ADGRL2: variants seen among roughly 807,000 people sequenced by gnomAD.
The protein encoded by ADGRL2 is adhesion G protein-coupled receptor L2.
ADGRL2 carries 44 observed loss-of-function variants against 157.4 expected under a neutral mutation model. That is an observed-to-expected ratio of 0.28 (90% CI 0.22 to 0.36). The LOEUF (loss-of-function observed/expected upper bound fraction) is 0.36, where lower values mean the gene tolerates loss of function less well. Ranked by LOEUF, ADGRL2 falls within the 10% of genes least tolerant of loss-of-function variation. ADGRL2 has a pLI of 1.00. For missense variants in ADGRL2, 1,510 were observed against 1,768.9 expected (o/e 0.85, Z 2.63); for synonymous variants, 585 against 624.7 (o/e 0.94, Z 0.95).
chr1:81,415,585 C>T (rs1308171917), intron 1 of ADGRL2, among the ~76,000 whole-genome samples: 2 of 152,154 alleles, frequency 1.3e-5, no homozygotes, highest in Non-Finnish European at 2.9e-5. Flanking sequence ...TAAGTTTGGA[C>T]AGCTCGGTTC....
At chr1:81,988,111 G>A (rs1572539682) in intron 23 of ADGRL2, among the ~76,000 whole-genome samples, 3 of 152,028 alleles carry the variant, frequency 2.0e-5, no homozygotes, top group Middle Eastern at 3.2e-3. Flanking sequence ...TTAAGTATAC[G>A]CAATGCTGAA....
intron 2 of ADGRL2, among the ~76,000 whole-genome samples, chr1:81,841,764 T>G (rs1371203503): frequency 2.6e-5 from 4 of 152,194 alleles, no homozygotes; most frequent in Admixed American, 2.6e-4. Context: ...TGTCTTCAAG[T>G]GCCTGAACAA....
chr1:81,665,229 G>A (rs1182277551), intron 3 of ADGRL2, among the ~76,000 whole-genome samples: 1 of 152,112 alleles, frequency 6.6e-6, no homozygotes, highest in African/African-American at 2.4e-5. Flanking sequence ...AAGACCATTT[G>A]AGGTAGAGAA....
intron 2 of ADGRL2, among the ~76,000 whole-genome samples, 176 bp from the exon 3 acceptor site, chr1:81,906,841 A>C (rs2094593757): frequency 6.6e-6 from 1 of 152,210 alleles, no homozygotes; most frequent in Non-Finnish European, 1.5e-5. Context: ...AATAAAGATG[A>C]ATAAAAAATA....
intron 2 of ADGRL2, among the ~76,000 whole-genome samples, chr1:81,510,044 G>A (rs965388523): frequency 1.3e-5 from 2 of 152,100 alleles, no homozygotes; most frequent in Non-Finnish European, 2.9e-5. Context: ...AACAAATACC[G>A]CTGTTAGGAA....
At chr1:81,597,396 AATT>A (rs1366422652) in intron 3 of ADGRL2, among the ~76,000 whole-genome samples, 5 of 152,222 alleles carry the variant, frequency 3.3e-5, no homozygotes, top group Non-Finnish European at 7.3e-5. Context: ...TAAAGAAAAA[AATT>A]ATATTTGCTA....
intron 1 of ADGRL2, among the ~76,000 whole-genome samples, chr1:81,339,825 G>C (rs1661938922): frequency 6.6e-6 from 1 of 151,966 alleles, no homozygotes; most frequent in South Asian, 2.1e-4. Flanking sequence ...TCCTTTCTCT[G>C]ACCTAAAAAT....
chr1:81,581,884 A>G (rs1039239178), intron 3 of ADGRL2, among the ~76,000 whole-genome samples: 178 of 145,448 alleles, frequency 1.2e-3, no homozygotes, highest in African/African-American at 4.8e-3. Flanking sequence ...GCACACACAC[A>G]CACACACACA....
intron 2 of ADGRL2, among the ~76,000 whole-genome samples, chr1:81,489,199 T>C (rs2078576677): frequency 6.6e-6 from 1 of 151,528 alleles, no homozygotes; most frequent in Non-Finnish European, 1.5e-5. Context: ...ATTGCAACAC[T>C]GCACTCCAGC....
chr1:81,783,173 G>A (rs980137005), intron 2 of ADGRL2, among the ~76,000 whole-genome samples: 4 of 152,174 alleles, frequency 2.6e-5, no homozygotes, highest in Non-Finnish European at 5.9e-5. Flanking sequence ...GCCCAGGCTG[G>A]AGTGCAGTGG....
At chr1:81,324,710 G>C (rs995411778) in intron 1 of ADGRL2, among the ~76,000 whole-genome samples, 9 of 151,902 alleles carry the variant, frequency 5.9e-5, no homozygotes, top group African/African-American at 1.9e-4. Context: ...CTGAGCTAAG[G>C]GGGAGGTGAG....
At chr1:81,663,251 T>C (rs571244149) in intron 3 of ADGRL2, among the ~76,000 whole-genome samples, 8 of 152,052 alleles carry the variant, frequency 5.3e-5, no homozygotes, top group East Asian at 1.9e-4. Context: ...CGCACCCAAA[T>C]AGATTTTCCT....
chr1:81,757,715 T>C (rs532017083), intron 1 of ADGRL2, among the ~76,000 whole-genome samples: 2 of 152,344 alleles, frequency 1.3e-5, no homozygotes, highest in South Asian at 4.1e-4. Flanking sequence ...AAAGTTAATT[T>C]GGCTGAAGTT....
intron 1 of ADGRL2, among the ~76,000 whole-genome samples, chr1:81,358,195 C>T (rs1385911527): frequency 6.6e-6 from 1 of 152,136 alleles, no homozygotes; most frequent in Non-Finnish European, 1.5e-5. Context: ...AGATTTTAGA[C>T]TTTTTAAACT....
chr1:81,466,679 G>A (rs75543320), intron 2 of ADGRL2, among the ~76,000 whole-genome samples: 34,053 of 151,246 alleles, frequency 0.23, 5,449 homozygotes, highest in East Asian at 0.85. Flanking sequence ...TCACGCGCGC[G>A]CACACACACA....
intron 9 of ADGRL2, among the ~76,000 whole-genome samples, chr1:81,952,523 G>T (rs992415362): frequency 3.4e-4 from 52 of 152,182 alleles, no homozygotes; most frequent in African/African-American, 1.2e-3. Context: ...ACACATATAG[G>T]AATATTAGCC....
In ADGRL2 at chr1:81,985,346, C is replaced by G. The variant is rs771198606; in HGVS notation, c.3499C>G (p.Leu1167Val). The change falls in exon 21 of 24, where the codon CTT becomes GTT. Residue 1167 changes from leucine to valine, a missense_variant. By Grantham distance (32) the Leu-to-Val change is conservative. Transcript: ENST00000686636. ...AGGTGACATCAATAGCACTTCAACA[C>G]TTAATCAAGGTCAGTTATCAGGAAA... is the stretch of plus-strand genomic sequence containing the variant. ...ISGDINSTST[L>V]NQGMTGNYLL... 4 of 1,589,830 alleles carry G rather than the reference C, an allele frequency of 2.5e-6. No individual in the cohort carries two copies. In the Admixed American group the frequency reaches 6.8e-5, roughly 27 times the overall value.
intron 2 of ADGRL2, among the ~76,000 whole-genome samples, chr1:81,547,577 C>G (rs554259863): frequency 6.6e-6 from 1 of 152,314 alleles, no homozygotes; most frequent in East Asian, 1.9e-4. Flanking sequence ...ATTTAAGACT[C>G]TCGAGTATTA....
At chr1:81,579,673 C>T (rs534813853) in intron 2 of ADGRL2, among the ~76,000 whole-genome samples, 2 of 152,148 alleles carry the variant, frequency 1.3e-5, no homozygotes, top group South Asian at 4.2e-4. Context: ...TCAGAATATG[C>T]TATTTTAAGC....
Sources: gnomAD v4.1 joint callset for allele counts (sites outside exome capture counted in the v4.1 genomes callset) on GRCh38, gnomAD v4.1.1 for gene constraint, MANE v1.5 for transcripts, NCBI Gene and HGNC (gene_info 2026-07-23, HGNC 2026-07-21) for gene names.